Variants in RANBP2 observed in about 807,000 individuals in gnomAD.
RANBP2 encodes E3 SUMO-protein ligase RanBP2.
In RANBP2, 57 loss-of-function variants were observed where a neutral mutation model predicts 303.6. That is an observed-to-expected ratio of 0.19 (90% confidence interval 0.15 to 0.23). RANBP2 has a LOEUF of 0.23. RANBP2 is among the 10% of genes least tolerant of loss of function. The probability of loss-of-function intolerance (pLI) is 1.00; values close to 1 mark genes in which losing one functional copy is unlikely to be tolerated. For synonymous variants in RANBP2, 1,167 were observed against 1,301.5 expected (o/e 0.90, Z 2.23); for missense variants, 3,138 against 3,780.8 (o/e 0.83, Z 4.46).
the RANBP2 span, among the ~76,000 whole-genome samples, chr2:109,559,228 T>TA: frequency 6.6e-6 from 1 of 152,174 alleles, no homozygotes; most frequent in African/African-American, 2.4e-5. Context: ...AGCTTCCTAA[T>TA]ACATCAGACT....
chr2:109,129,086 C>T, the RANBP2 span: 1 of 365,300 alleles, frequency 2.7e-6, no homozygotes, highest in Non-Finnish European at 5.4e-6. Context: ...GGGGGCGGTG[C>T]GGCTCGCCAG....
At chr2:109,586,933 CAGA>C in the RANBP2 span, among the ~76,000 whole-genome samples, 2 of 152,066 alleles carry the variant, frequency 1.3e-5, no homozygotes, top group African/African-American at 4.8e-5. Context: ...CAAGACTCTG[CAGA>C]AGAAGAAAAC....
chr2:108,861,723 C>T, the RANBP2 span, among the ~76,000 whole-genome samples: 13 of 152,198 alleles, frequency 8.5e-5, no homozygotes, highest in African/African-American at 2.9e-4. Context: ...TCCAGTGATC[C>T]GCCCACCTCT....
chr2:109,389,772 T>C, the RANBP2 span, among the ~76,000 whole-genome samples: 1 of 152,196 alleles, frequency 6.6e-6, no homozygotes, highest in Non-Finnish European at 1.5e-5. Context: ...ATATGTATAA[T>C]GCGAGTGATC....
chr2:108,812,645 T>C, the RANBP2 span: 5,963 of 1,612,164 alleles, frequency 3.7e-3, 19 homozygotes, highest in Middle Eastern at 8.3e-3. Flanking sequence ...ATGAAGCAAG[T>C]GAAGAAAACA....
chr2:108,906,190 C>G, the RANBP2 span: 1,855 of 1,022,530 alleles, frequency 1.8e-3, 2 homozygotes, highest in Non-Finnish European at 2.3e-3. Context: ...GACCAAAGTG[C>G]GGCAACTGGA....
chr2:109,400,277 A>G, the RANBP2 span, among the ~76,000 whole-genome samples: 1 of 151,618 alleles, frequency 6.6e-6, no homozygotes, highest in South Asian at 2.1e-4. Context: ...GCCCGCACAT[A>G]TGCACTCCCA....
the RANBP2 span, chr2:108,923,459 G>C: frequency 2.5e-6 from 4 of 1,613,796 alleles, no homozygotes; most frequent in African/African-American, 5.3e-5. Flanking sequence ...AGTAGCTACG[G>C]GGGAGAGACA....
the RANBP2 span, among the ~76,000 whole-genome samples, chr2:109,095,539 A>G: frequency 2.0e-5 from 3 of 152,196 alleles, no homozygotes; most frequent in Non-Finnish European, 2.9e-5. Flanking sequence ...GGTCTTGTAA[A>G]GAAAGTTCAA....
At chr2:109,040,863 A>G in the RANBP2 span, among the ~76,000 whole-genome samples, 1,039 of 152,112 alleles carry the variant, frequency 6.8e-3, 6 homozygotes, top group East Asian at 0.035. Context: ...AGACCATCCT[A>G]GCTAACACAG....
chr2:109,594,461 C>T, the RANBP2 span, among the ~76,000 whole-genome samples: 1 of 152,138 alleles, frequency 6.6e-6, no homozygotes, highest in African/African-American at 2.4e-5. Context: ...TACTGCTCTG[C>T]ACTGTGGTTT....
the RANBP2 span, among the ~76,000 whole-genome samples, chr2:109,138,057 C>A: frequency 6.6e-6 from 1 of 152,162 alleles, no homozygotes; most frequent in African/African-American, 2.4e-5. Flanking sequence ...GCTCTGTTAC[C>A]CTAGCTGGAG....
At chr2:109,702,625 G>T in the RANBP2 span, among the ~76,000 whole-genome samples, 1 of 152,144 alleles carries the variant, frequency 6.6e-6, no homozygotes, top group Non-Finnish European at 1.5e-5. Context: ...TACTCAGAGA[G>T]AATTTATTTT....
At chr2:109,300,739 A>G in the RANBP2 span, among the ~76,000 whole-genome samples, 1 of 152,160 alleles carries the variant, frequency 6.6e-6, no homozygotes, top group Non-Finnish European at 1.5e-5. Flanking sequence ...TTCAGAGCCC[A>G]CCAGCTGGAG....
At chr2:109,665,218 G>T in the RANBP2 span, 1 of 152,966 alleles carries the variant, frequency 6.5e-6, no homozygotes, top group South Asian at 1.9e-4. Flanking sequence ...GATGCAGAAT[G>T]ATGCTGGTGA....
chr2:109,496,160 C>T, the RANBP2 span, among the ~76,000 whole-genome samples: 1 of 152,220 alleles, frequency 6.6e-6, no homozygotes, highest in Non-Finnish European at 1.5e-5. Context: ...TGATTGGCTA[C>T]TTTTAGGATC....
the RANBP2 span, among the ~76,000 whole-genome samples, chr2:109,569,526 C>A: frequency 4.6e-5 from 7 of 150,736 alleles, no homozygotes; most frequent in South Asian, 1.5e-3. Context: ...AAGTATATAT[C>A]TGAATTTATC....
chr2:108,726,438 G>GTT (rs1302706279), intron 1 of RANBP2, among the ~76,000 whole-genome samples: 69 of 124,260 alleles, frequency 5.6e-4, no homozygotes, highest in Admixed American at 1.2e-3. Flanking sequence ...GAGTTTTTTT[G>GTT]TTTTTTTTTT....
At chr2:108,829,254 A>G in the RANBP2 span, among the ~76,000 whole-genome samples, 2 of 152,310 alleles carry the variant, frequency 1.3e-5, no homozygotes, top group Admixed American at 6.5e-5. Flanking sequence ...GCTACCCACA[A>G]TATATAAGGA....
Sources: allele counts gnomAD v4.1 joint callset (sites outside exome capture counted in the v4.1 genomes callset), GRCh38; gene constraint gnomAD v4.1.1; transcripts MANE v1.5; gene names NCBI Gene and HGNC (gene_info 2026-07-23, HGNC 2026-07-21).